The following COL11A2 variants were observed in gnomAD, a reference collection of about 807,000 sequenced individuals.
COL11A2 encodes collagen alpha-2(XI) chain.
In COL11A2, 116 loss-of-function variants were observed where a neutral mutation model predicts 273.4. The ratio of observed to expected loss-of-function variants is 0.42; its 90% CI spans 0.36 to 0.49. The LOEUF is 0.49. COL11A2 is among the 20% of genes least tolerant of loss of function. The pLI is 0.00. For missense variants in COL11A2, 1,866 were observed against 2,309.0 expected, an observed-to-expected ratio of 0.81 and a Z score of 3.93; for synonymous variants, 782 against 864.2, an observed-to-expected ratio of 0.90 and a Z score of 1.67.
Position 33,176,367 on chromosome 6 carries a change from G to T in COL11A2, c.2170-64C>A. 1 of 1,600,470 alleles carries T rather than the reference G, an allele frequency of 6.2e-7. No homozygotes were observed. The highest frequency in any genetic ancestry group is 1.1e-5 in the South Asian group (1 of 89,720). On this transcript the variant is annotated intron_variant, in intron 27 of 65. Coordinates refer to ENST00000341947, the MANE Select transcript of COL11A2 (RefSeq NM_080680.3). The surrounding 1 kb of genome is among the most constrained non-coding windows in gnomAD (Gnocchi z 4.9). ...GATGGAGGTGGGTTGGAAGGACCAA[G>T]CTCCTAAGACCCCATATAGCTCCCC...
Position 33,181,185 on chromosome 6 carries a change from C to T in COL11A2, c.1120-15G>A. 6.2e-7 allele frequency: 1 copy of T among 1,614,178 alleles called. No individual in the cohort carries two copies. Among genetic ancestry groups the T allele is most frequent in the Non-Finnish European group, 8.5e-7 (1 of 1,180,010 alleles). On this transcript the variant is annotated splice_polypyrimidine_tract_variant and intron_variant, in intron 8 of 65. Transcript: ENST00000341947. ...CCATGGGCAGCCTGAAGGAGACACACATGTAGCCCCCAGTGGGGCCCGTGA... is the reference window on the plus strand; with the variant it reads ...CCATGGGCAGCCTGAAGGAGACACATATGTAGCCCCCAGTGGGGCCCGTGA...
At position 33,167,970 on chromosome 6, in the gene COL11A2, G is replaced by T; in HGVS notation, c.3961-118C>A. On this transcript the variant is annotated intron_variant, in intron 54 of 65. Transcript: ENST00000341947. This position sits in a 1 kb window ranked among gnomAD's most constrained non-coding sequence, Gnocchi z 6.1. The stretch of plus-strand genomic sequence containing the variant: ...GCACACACACACGTGCATACACAGG[G>T]ACACGCGCCGAGGGCCGATTCACAG... 3 of 1,081,416 alleles carry T rather than the reference G, an allele frequency of 2.8e-6. No individual in the cohort carries two copies. The highest frequency in any genetic ancestry group is 1.3e-5 in the South Asian group (1 of 75,860). The allele number at this position is 1,081,416 out of a possible 1,614,324, so 67.0% of individuals were successfully genotyped here.
At chr6:33,185,801 G>T (rs370651752) in intron 5 of COL11A2, 23 bp from the exon 6 acceptor site, 3 of 931,732 alleles carry the variant, frequency 3.2e-6, no homozygotes, top group Non-Finnish European at 4.8e-6. Context: ...GGTGGGCATA[G>T]ACAGGAAGGG....
intron 4 of COL11A2, 105 bp from the exon 5 acceptor site, chr6:33,186,923 T>C (rs947522786): frequency 4.0e-6 from 6 of 1,492,020 alleles, no homozygotes; most frequent in African/African-American, 1.4e-5. Flanking sequence ...AACCCTAAGA[T>C]GGGAGAAGGT....
chr6:33,174,598 G>A lies in COL11A2; in HGVS notation c.2377-18C>T. The A allele has an allele frequency of 6.2e-7, 1 of 1,611,252 alleles. No individual in the cohort carries two copies. The highest frequency in any genetic ancestry group is 8.5e-7 in the Non-Finnish European group (1 of 1,179,796). On this transcript the variant is annotated intron_variant, in intron 30 of 65. Coordinates refer to ENST00000341947, the MANE Select transcript of COL11A2 (RefSeq NM_080680.3). ...AGCTTGCCCTGTGGAGGGACAGGAA[G>A]CAGTTAGGAGTGAGAGGAGGCCCAG...
Position 33,170,630 on chromosome 6 carries a change from A to G in COL11A2, c.3475-20T>C, listed in dbSNP as rs1323462372. On this transcript the variant is annotated intron_variant, in intron 46 of 65. Coordinates refer to ENST00000341947, the MANE Select transcript of COL11A2 (RefSeq NM_080680.3). The surrounding 1 kb of genome is among the most constrained non-coding windows in gnomAD (Gnocchi z 4.3). ...CAAACCCTGTGCAAGTATACAAAAC[A>G]TGGGCCCAGGTGACGACCCCACCCA... 22 of 1,612,400 alleles carry G rather than the reference A, an allele frequency of 1.4e-5. No individual in the cohort carries two copies. The highest frequency in any genetic ancestry group is 1.8e-5 in the Non-Finnish European group (21 of 1,179,770).
rs759322344 is a variant in COL11A2, at chr6:33,164,338, G to A, written c.4999C>T (p.Arg1667Cys). 16 of 1,612,876 alleles carry A rather than the reference G, an allele frequency of 9.9e-6. No homozygotes were observed. The highest frequency in any genetic ancestry group is 1.6e-4 in the Middle Eastern group (1 of 6,062). The change falls in exon 65 of 66, where the codon CGT (arginine) becomes TGT (cysteine). Residue 1667 changes from arginine to cysteine, a missense_variant. Transcript: ENST00000341947. The surrounding 1 kb of genome is among the most constrained non-coding windows in gnomAD (Gnocchi z 4.7). Reference sequence around the variant, plus strand: ...CTCAGCTCATCCTCATTGGCCCCACGGAGTCTCAGGGGACCGTCACGGGCT... The same window carrying A: ...CTCAGCTCATCCTCATTGGCCCCACAGAGTCTCAGGGGACCGTCACGGGCT... ...GAARDGPLRL[R>C]GANEDELSPE...
chr6:33,180,944 C>T lies in COL11A2; in HGVS notation c.1221+20G>A. 6.2e-7 allele frequency: 1 copy of T among 1,613,830 alleles called. No homozygotes were observed. The highest frequency in any genetic ancestry group is 1.7e-4 in the Middle Eastern group (1 of 6,016). On this transcript the variant is annotated intron_variant, in intron 10 of 65. Transcript: ENST00000341947. ...GGGTTTCTAAGAAAAGAATGGCCAC[C>T]AGGTCACTGCTAGACTTACCGCAGG...
intron 29 of COL11A2, 108 bp downstream of exon 29, chr6:33,175,908 T>C: frequency 7.2e-7 from 1 of 1,388,748 alleles, no homozygotes; most frequent in Non-Finnish European, 1.0e-6. Context: ...AACACAGCAC[T>C]GGAACTGTGG....
At position 33,177,670 on chromosome 6, in the gene COL11A2, C is replaced by T; in HGVS notation, c.1909G>A (p.Gly637Arg). 2 of 1,613,028 alleles carry T rather than the reference C, an allele frequency of 1.2e-6. No individual in the cohort carries two copies. Among genetic ancestry groups the T allele is most frequent in the Non-Finnish European group, 1.7e-6 (2 of 1,180,012 alleles). The change falls in exon 22 of 66, where the codon GGG (glycine) becomes AGG (arginine). Residue 637 changes from glycine to arginine, a missense_variant. Transcript: ENST00000341947. This position sits in a 1 kb window ranked among gnomAD's most constrained non-coding sequence, Gnocchi z 5.9. ...RGMDGPQGPK[G>R]SLGPQGEPGP... ...TCCTATCCATCACTCACCAAGCTCC[C>T]TTTGGGGCCCTGGGGACCATCCATG...
At chr6:33,168,493 A>G in intron 54 of COL11A2, 26 bp downstream of exon 54, 3 of 1,613,106 alleles carry the variant, frequency 1.9e-6, no homozygotes, top group South Asian at 1.1e-5. Flanking sequence ...CTGCCTCCCA[A>G]GGTCTCAGGG....
upstream of COL11A2, among the ~76,000 whole-genome samples, chr6:33,192,860 TAATC>T (rs1186935324): frequency 6.6e-6 from 1 of 151,526 alleles, no homozygotes; most frequent in Non-Finnish European, 1.5e-5. Flanking sequence ...ACCCCACCCA[TAATC>T]AGGTCTCCAT....
In COL11A2 at chr6:33,167,338, C is replaced by T; in HGVS notation, c.4123-21G>A. The stretch of plus-strand genomic sequence containing the variant: ...TGACCCTGAAGATTTGAGGGGGCCA[C>T]AGGGGTCAGGAGGAGCATCCCCACA... On this transcript the variant is annotated intron_variant, in intron 56 of 65. Transcript: ENST00000341947. The surrounding 1 kb of genome is among the most constrained non-coding windows in gnomAD (Gnocchi z 6.1). 6.2e-7 allele frequency: 1 copy of T among 1,613,298 alleles called. No individual in the cohort carries two copies. The highest frequency in any genetic ancestry group is 8.5e-7 in the Non-Finnish European group (1 of 1,179,970).
chr6:33,186,424 A>C, intron 5 of COL11A2: 1 of 1,437,894 alleles, frequency 7.0e-7, no homozygotes, highest in Non-Finnish European at 9.1e-7. Context: ...CAGAGCAGGG[A>C]ACACAGCTCC....
In COL11A2 at chr6:33,178,289, C is replaced by T. The variant is rs201172181; in HGVS notation, c.1818+19G>A. 2 of 1,612,902 alleles carry T rather than the reference C, an allele frequency of 1.2e-6. No homozygotes were observed. The highest frequency in any genetic ancestry group is 1.7e-6 in the Non-Finnish European group (2 of 1,179,956). ...TTCCCCAGAGCCCCCTCCCCCAGCA[C>T]CAGCCCTTGGACACTCACCGACTCT... is the stretch of plus-strand genomic sequence containing the variant. On this transcript the variant is annotated intron_variant, in intron 20 of 65. Coordinates refer to ENST00000341947, the MANE Select transcript of COL11A2 (RefSeq NM_080680.3). The surrounding 1 kb of genome is among the most constrained non-coding windows in gnomAD (Gnocchi z 4.6).
In COL11A2 at chr6:33,189,530, A is replaced by C. The variant is rs1772860770; in HGVS notation, c.83-61T>G. ...GCCCTCAGGAGGGCATAAATAGGGG[A>C]CATTTGGGATCTAGAACTCAGCTTT... On this transcript the variant is annotated intron_variant, in intron 1 of 65. Transcript: ENST00000341947. This position sits in a 1 kb window ranked among gnomAD's most constrained non-coding sequence, Gnocchi z 5.6. 1 of 1,601,978 alleles carries C rather than the reference A, an allele frequency of 6.2e-7. No homozygotes were observed. The highest frequency in any genetic ancestry group is 1.7e-5 in the Admixed American group (1 of 59,340).
In COL11A2 at chr6:33,190,678, T is replaced by TC. The variant is rs1772998035; in HGVS notation, c.83-1210dup. ...TCCAGGAGCCGGGAAACCACGGCCT[T>TC]CCCCCCCAACCCCCACCTAAGCCTG... On this transcript the variant is annotated intron_variant, in intron 1 of 65. Coordinates refer to ENST00000341947, the MANE Select transcript of COL11A2 (RefSeq NM_080680.3). This position sits in a 1 kb window ranked among gnomAD's most constrained non-coding sequence, Gnocchi z 4.5. Among the ~76,000 whole-genome samples, 1 of 150,846 alleles carries TC rather than the reference T, an allele frequency of 6.6e-6. No homozygotes were observed. The highest frequency in any genetic ancestry group is 2.4e-5 in the African/African-American group (1 of 40,920).
Position 33,189,380 on chromosome 6 carries a change from C to T in COL11A2, c.172G>A (p.Val58Met). The T allele has an allele frequency of 6.2e-7, 1 of 1,613,262 alleles. No homozygotes were observed. Among genetic ancestry groups the T allele is most frequent in the South Asian group, 1.1e-5 (1 of 91,080 alleles). Residue 58 changes from valine (V) to methionine (M), a missense_variant, in exon 2 of 66, where the codon GTG becomes ATG. By Grantham distance (21) the Val-to-Met change is conservative. Transcript: ENST00000341947. The surrounding 1 kb of genome is among the most constrained non-coding windows in gnomAD (Gnocchi z 5.6). ...RRAKGICPADVAYRVARPAQL... is the reference protein window; with the variant it reads ...RRAKGICPADMAYRVARPAQL... The stretch of plus-strand genomic sequence containing the variant: ...GCAGGTCGTGCCACTCGGTAGGCCA[C>T]ATCAGCTGGACAGATGCCTTTCGCT...
chr6:33,164,293 C>G lies in COL11A2; in HGVS notation c.5044G>C (p.Val1682Leu), dbSNP rs778248464. ...TGGCAGCCATCTCTGAATTCTTTGACATAGGGGCTAGTCTCCGGGCTCAGC... is the reference window on the plus strand; with the variant it reads ...TGGCAGCCATCTCTGAATTCTTTGAGATAGGGGCTAGTCTCCGGGCTCAGC... Reference protein sequence around the residue: ...DELSPETSPYVKEFRDGCQTQ... With the variant: ...DELSPETSPYLKEFRDGCQTQ... Residue 1682 changes from valine (V) to leucine (L), a missense_variant, in exon 65 of 66, where the codon GTC becomes CTC. Coordinates refer to ENST00000341947, the MANE Select transcript of COL11A2 (RefSeq NM_080680.3). The surrounding 1 kb of genome is among the most constrained non-coding windows in gnomAD (Gnocchi z 4.7). 6.2e-7 allele frequency: 1 copy of G among 1,612,868 alleles called. No individual in the cohort carries two copies.
Sources: gnomAD v4.1 joint callset for allele counts (sites outside exome capture counted in the v4.1 genomes callset) on GRCh38, gnomAD v4.1.1 for gene constraint, Gnocchi (gnomAD v3.1) non-coding constraint, MANE v1.5 for transcripts, NCBI Gene and HGNC (gene_info 2026-07-23, HGNC 2026-07-21) for gene names.